The following XPO7 variants were observed in gnomAD, a reference collection of about 807,000 sequenced individuals.
XPO7 encodes the protein exportin 7.
In XPO7, 21 loss-of-function variants were observed where a neutral mutation model predicts 144.3. The ratio of observed to expected loss-of-function variants is 0.15; its 90% CI spans 0.10 to 0.21. The LOEUF is 0.21. XPO7 is among the 10% of genes least tolerant of loss of function. The probability of loss-of-function intolerance (pLI) is 1.00; values close to 1 mark genes in which losing one functional copy is unlikely to be tolerated. For synonymous variants in XPO7, 580 were observed against 499.6 expected, an observed-to-expected ratio of 1.16 and a Z score of -2.15; for missense variants, 808 against 1,325.8, an observed-to-expected ratio of 0.61 and a Z score of 6.06.
At chr8:21,948,559 T>C (rs2117284124) in intron 1 of XPO7, among the ~76,000 whole-genome samples, 1 of 152,326 alleles carries the variant, frequency 6.6e-6, no homozygotes. Flanking sequence ...GACTATACTT[T>C]AAAGGAGTTT....
chr8:21,935,178 T>A (rs1810781531), intron 1 of XPO7, among the ~76,000 whole-genome samples: 1 of 152,214 alleles, frequency 6.6e-6, no homozygotes, highest in Admixed American at 6.5e-5. Context: ...CCCTAATTGA[T>A]TTTGACTACT....
At chr8:21,966,160 G>A (rs1235402720) in intron 1 of XPO7, 4 of 659,450 alleles carry the variant, frequency 6.1e-6, no homozygotes, top group Non-Finnish European at 1.1e-5. Context: ...GAGTTTGCTT[G>A]TGGGTGTTTC....
rs1812529120 is a variant in XPO7, at chr8:21,984,891, G to A, written c.1471+52G>A. Reference sequence around the variant, plus strand: ...TAGACCTGTGAGGAGATGTTGTCTAGTACCCCTTCGCTCATTGCCACCTCT... The same window carrying A: ...TAGACCTGTGAGGAGATGTTGTCTAATACCCCTTCGCTCATTGCCACCTCT... On this transcript the variant is annotated intron_variant, in intron 12 of 27. Coordinates refer to ENST00000252512, the MANE Select transcript of XPO7 (RefSeq NM_015024.5). The A allele has an allele frequency of 2.5e-6, 4 of 1,581,434 alleles. No individual in the cohort carries two copies. In the African/African-American group the frequency reaches 5.4e-5, roughly 21 times the overall value.
chr8:21,937,533 T>A (rs559165054), intron 1 of XPO7, among the ~76,000 whole-genome samples: 1 of 152,316 alleles, frequency 6.6e-6, no homozygotes, highest in East Asian at 1.9e-4. Flanking sequence ...TTCCCTCTGT[T>A]CCCATCACTG....
intron 1 of XPO7, among the ~76,000 whole-genome samples, chr8:21,960,801 T>C (rs941921363): frequency 1.3e-5 from 2 of 152,224 alleles, no homozygotes; most frequent in Non-Finnish European, 2.9e-5. Context: ...TAAAAGCATT[T>C]AGCGTTGTAA....
intron 1 of XPO7, among the ~76,000 whole-genome samples, chr8:21,928,031 CAG>C (rs1258096826): frequency 1.3e-5 from 2 of 152,230 alleles, no homozygotes; most frequent in South Asian, 2.1e-4. Context: ...TACAAATTGA[CAG>C]ATACATACAC....
chr8:21,928,327 C>T (rs1198525273), intron 1 of XPO7, among the ~76,000 whole-genome samples: 1 of 152,160 alleles, frequency 6.6e-6, no homozygotes, highest in Non-Finnish European at 1.5e-5. Context: ...TGGATGTATC[C>T]ATTCACTCTT....
chr8:21,919,736 GAGGGGGGGCCGGAGAGGAGCA>G lies in XPO7; in HGVS notation c.-34_-14del. 1 of 382,332 alleles carries G rather than the reference GAGGGGGGGCCGGAGAGGAGCA, an allele frequency of 2.6e-6. No individual in the cohort carries two copies. The allele number at this position is 382,332 out of a possible 1,614,324, so 23.7% of individuals were successfully genotyped here. A position where few individuals can be genotyped will look rare whatever the true frequency, so the allele number is the denominator to read the frequency against. ...TCCGGCCGAGGTGCGCGCTGGGGGG[GAGGGGGGGCCGGAGAGGAGCA>G]TGAATGGAGCAAAATGGCGGATCAT... is the stretch of plus-strand genomic sequence containing the variant. On this transcript the variant is annotated 5_prime_UTR_variant, in exon 1 of 28. It removes an upstream start codon present in the reference 5' UTR. Transcript: ENST00000252512.
intron 23 of XPO7, 62 bp downstream of exon 23, chr8:21,999,367 A>C: frequency 6.3e-7 from 1 of 1,599,594 alleles, no homozygotes; most frequent in Non-Finnish European, 8.5e-7. Flanking sequence ...TTTTCACCTG[A>C]GACCAAGATT....
chr8:21,987,768 CTCT>C lies in XPO7; in HGVS notation c.1714-11_1714-9del, dbSNP rs796798905. On this transcript the variant is annotated splice_polypyrimidine_tract_variant and intron_variant, in intron 14 of 27. Coordinates refer to ENST00000252512, the MANE Select transcript of XPO7 (RefSeq NM_015024.5). ...GTAATTCATGTGTTCTGGTTACTTT[CTCT>C]TCTTAACACCAGCTGTACCGCCGAC... 2 of 1,613,592 alleles carry C rather than the reference CTCT, an allele frequency of 1.2e-6. No homozygotes were observed. Among genetic ancestry groups the C allele is most frequent in the South Asian group, 1.1e-5 (1 of 91,036 alleles).
intron 1 of XPO7, among the ~76,000 whole-genome samples, chr8:21,923,058 G>A (rs1810341951): frequency 6.6e-6 from 1 of 152,218 alleles, no homozygotes; most frequent in African/African-American, 2.4e-5. Flanking sequence ...TTAACAATAT[G>A]CAAGGAAATG....
chr8:21,935,589 C>T (rs1810795360), intron 1 of XPO7, among the ~76,000 whole-genome samples: 1 of 152,138 alleles, frequency 6.6e-6, no homozygotes, highest in Non-Finnish European at 1.5e-5. Context: ...GCTTTTTTCT[C>T]ATAGATAGGA....
Position 21,989,821 on chromosome 8 carries a change from C to CTTTT in XPO7, c.1869-480_1869-477dup, listed in dbSNP as rs1170364778. On this transcript the variant is annotated intron_variant, in intron 16 of 27. Transcript: ENST00000252512. ...AATAGGAGTTTGGTATAGGTGTTTC[C>CTTTT]TTTTTTTTTTTTTTTTTTTTTTTTT... Among the ~76,000 whole-genome samples, 585 of 59,712 alleles carry CTTTT rather than the reference C, an allele frequency of 9.8e-3. 171 individuals are homozygous for CTTTT. The highest frequency in any genetic ancestry group is 0.017 in the East Asian group (25 of 1,506). 39.2% of individuals were successfully genotyped at this position (59,712 alleles called of 152,430 possible).
At chr8:21,924,372 C>T (rs550158244) in intron 1 of XPO7, among the ~76,000 whole-genome samples, 219 of 152,186 alleles carry the variant, frequency 1.4e-3, no homozygotes, top group African/African-American at 4.9e-3. Context: ...TACTAACCAG[C>T]ACCCAAATCA....
chr8:21,964,822 C>T (rs1198218130), intron 1 of XPO7, among the ~76,000 whole-genome samples: 2 of 152,206 alleles, frequency 1.3e-5, no homozygotes, highest in African/African-American at 4.8e-5. Context: ...CAGTAAGGAA[C>T]TACCTGTAAC....
At position 21,984,590 on chromosome 8, in the gene XPO7, G is replaced by T. The variant is rs557870858; in HGVS notation, c.1278-56G>T. The T allele has an allele frequency of 3.4e-6, 5 of 1,485,290 alleles. No individual in the cohort carries two copies. The Admixed American group carries it at 1.1e-4, about 32-fold the overall frequency. 92.0% of individuals were successfully genotyped at this position (1,485,290 alleles called of 1,614,324 possible). A position where few individuals can be genotyped will look rare whatever the true frequency, so the allele number is the denominator to read the frequency against. Reference sequence around the variant, plus strand: ...AAGAAGTCAGAGAGCTGCTATATTGGGCAAATCAGTAGTCATATTTTAAGA... The same window carrying T: ...AAGAAGTCAGAGAGCTGCTATATTGTGCAAATCAGTAGTCATATTTTAAGA... On this transcript the variant is annotated intron_variant, in intron 11 of 27. Transcript: ENST00000252512.
At chr8:21,966,105 T>C in intron 1 of XPO7, 1 of 613,120 alleles carries the variant, frequency 1.6e-6, no homozygotes, top group Non-Finnish European at 2.9e-6. Flanking sequence ...CACACACCCA[T>C]ACCCCTTCCT....
At chr8:21,931,626 G>C (rs1222011097) in intron 1 of XPO7, among the ~76,000 whole-genome samples, 1 of 152,202 alleles carries the variant, frequency 6.6e-6, no homozygotes, top group Non-Finnish European at 1.5e-5. Flanking sequence ...TGCATTTAAT[G>C]CAAGAAAGAA....
At chr8:22,000,671 T>A (rs1254190290) in intron 24 of XPO7, among the ~76,000 whole-genome samples, 2 of 152,074 alleles carry the variant, frequency 1.3e-5, no homozygotes, top group East Asian at 3.9e-4. Context: ...GCCAGGATAG[T>A]CTCAATCTCC....
Sources: gnomAD v4.1 joint callset for allele counts (sites outside exome capture counted in the v4.1 genomes callset) on GRCh38, gnomAD v4.1.1 for gene constraint, MANE v1.5 for transcripts, NCBI Gene and HGNC (gene_info 2026-07-23, HGNC 2026-07-21) for gene names.